The following ADAT1 variants were observed in gnomAD, a reference collection of about 807,000 sequenced individuals.
The protein encoded by ADAT1 is adenosine deaminase tRNA specific 1, also known as tRNA-specific adenosine deaminase 1.
Under a neutral mutation model 58.6 loss-of-function variants are expected in ADAT1, and 58 were observed. The observed-to-expected ratio is 0.99, with a 90% confidence interval of 0.80 to 1.23. The LOEUF (loss-of-function observed/expected upper bound fraction) is 1.23, where lower values mean the gene tolerates loss of function less well. Ranked by LOEUF, ADAT1 falls within the 50% of genes most tolerant of loss-of-function variation. The pLI, the probability that ADAT1 is intolerant of heterozygous loss-of-function variation, is 0.00. For missense variants in ADAT1, 741 were observed against 608.6 expected (o/e 1.22, Z -2.29); for synonymous variants, 254 against 220.8 (o/e 1.15, Z -1.33).
chr16:75,614,585 CACAAGGTCACAGTG>C (rs2081645796), intron 5 of ADAT1, among the ~76,000 whole-genome samples: 1 of 152,196 alleles, frequency 6.6e-6, no homozygotes. Flanking sequence ...CCAGAGACCT[CACAAGGTCACAGTG>C]ACTTTGGAGA....
intron 4 of ADAT1, among the ~76,000 whole-genome samples, chr16:75,617,545 G>A (rs2081773632): frequency 6.6e-6 from 1 of 151,962 alleles, no homozygotes; most frequent in Non-Finnish European, 1.5e-5. Context: ...GAGGCAGGAA[G>A]ACTGCTTAAG....
intron 6 of ADAT1, 133 bp downstream of exon 6, chr16:75,612,110 A>T: frequency 9.3e-7 from 1 of 1,076,974 alleles, no homozygotes; most frequent in Non-Finnish European, 1.3e-6. Context: ...TACTTTAATT[A>T]TTTCCTTAAG....
At chr16:75,621,049 T>C (rs2081918173) in intron 1 of ADAT1, among the ~76,000 whole-genome samples, 1 of 152,060 alleles carries the variant, frequency 6.6e-6, no homozygotes. Context: ...TGTTTCAAGT[T>C]TTTCTTAATG....
chr16:75,609,027 C>T (rs200874873), intron 6 of ADAT1, 39 bp from the exon 7 acceptor site: 1 of 1,611,894 alleles, frequency 6.2e-7, no homozygotes, highest in East Asian at 2.2e-5. Flanking sequence ...TAGGTGCATG[C>T]CTAGAGAAAA....
intron 5 of ADAT1, among the ~76,000 whole-genome samples, chr16:75,615,153 G>A (rs1325864642): frequency 1.3e-5 from 2 of 151,434 alleles, no homozygotes; most frequent in Non-Finnish European, 2.9e-5. Context: ...CCTGGACCCG[G>A]GAGGTGGAGA....
chr16:75,604,128 G>A (rs917591492), intron 8 of ADAT1, among the ~76,000 whole-genome samples: 2 of 151,870 alleles, frequency 1.3e-5, no homozygotes, highest in African/African-American at 2.4e-5. Flanking sequence ...AATTAAAGAA[G>A]AACAATGTAA....
chr16:75,617,308 G>A lies in ADAT1; in HGVS notation c.294-36C>T, dbSNP rs757416690. The A allele has an allele frequency of 1.7e-5, 27 of 1,597,954 alleles. No individual in the cohort carries two copies. In the Admixed American group the frequency reaches 3.2e-4, roughly 19 times the overall value. ...CAAGATGTTATTAGGATGAACAACC[G>A]ATCTCTGTGGTAAGGGGAAAGCCTC... On this transcript the variant is annotated intron_variant, in intron 4 of 9. Transcript: ENST00000564657.
rs1300337939 is a variant in ADAT1, at chr16:75,612,359, G to C, written c.927C>G (p.Leu309=). The C allele has an allele frequency of 6.8e-6, 11 of 1,614,194 alleles. No individual in the cohort carries two copies. The highest frequency in any genetic ancestry group is 9.3e-6 in the Non-Finnish European group (11 of 1,180,038). ...CSDKMARWNV[L]GCQGALLMHL... The stretch of plus-strand genomic sequence containing the variant: ...GCATCAACAGTGCCCCTTGGCATCC[G>C]AGGACGTTCCATCGGGCCATCTTGT... The change falls in exon 6 of 10, where the codon CTC becomes CTG. Residue 309 remains leucine, a synonymous_variant. Coordinates refer to ENST00000564657, the MANE Select transcript of ADAT1 (RefSeq NM_001324445.2).
chr16:75,602,834 C>T (rs1296850279), intron 9 of ADAT1, among the ~76,000 whole-genome samples: 1 of 152,160 alleles, frequency 6.6e-6, no homozygotes, highest in African/African-American at 2.4e-5. Flanking sequence ...CAAAGGAGGG[C>T]CTGGAATGGC....
intron 6 of ADAT1, among the ~76,000 whole-genome samples, chr16:75,609,274 T>G (rs1368925571): frequency 6.6e-6 from 1 of 152,206 alleles, no homozygotes; most frequent in Non-Finnish European, 1.5e-5. Context: ...CTTGAAAAGT[T>G]TAAGCAGAAA....
intron 9 of ADAT1, among the ~76,000 whole-genome samples, chr16:75,602,344 G>C (rs373708774): frequency 6.6e-5 from 10 of 152,330 alleles, no homozygotes; most frequent in African/African-American, 2.4e-4. Context: ...CTGCCTTTGC[G>C]ACCCTCCCAT....
At chr16:75,609,787 T>C (rs1454943742) in intron 6 of ADAT1, among the ~76,000 whole-genome samples, 1 of 152,174 alleles carries the variant, frequency 6.6e-6, no homozygotes, top group Non-Finnish European at 1.5e-5. Context: ...CACTGCAACT[T>C]CTGCCCCCTG....
At chr16:75,619,745 T>C in intron 3 of ADAT1, 1 of 396,552 alleles carries the variant, frequency 2.5e-6, no homozygotes, top group South Asian at 1.7e-5. Flanking sequence ...ACCCCGTCTC[T>C]AAAAAAATAC....
intron 9 of ADAT1, 98 bp from the exon 10 acceptor site, chr16:75,600,446 G>A: frequency 1.9e-6 from 3 of 1,540,872 alleles, no homozygotes; most frequent in Non-Finnish European, 2.6e-6. Context: ...GACTTGTAAT[G>A]AGACTTAGGT....
chr16:75,612,900 G>A (rs1487589927), intron 5 of ADAT1, 39 bp from the exon 6 acceptor site: 1 of 1,587,738 alleles, frequency 6.3e-7, no homozygotes, highest in Non-Finnish European at 8.6e-7. Context: ...TGGTTCTCAA[G>A]TGAGGTCCCT....
chr16:75,620,759 T>C lies in ADAT1; in HGVS notation c.41A>G (p.His14Arg). ...CTTCTTGGGCAGCCTGATCCCATAG[T>C]GTTCATAGCATAGCTGAGCAATCTC... Reference protein sequence around the residue: ...ADEIAQLCYEHYGIRLPKKGK... With the variant: ...ADEIAQLCYERYGIRLPKKGK... The change falls in exon 2 of 10, where the codon CAC (histidine) becomes CGC (arginine). Residue 14 changes from histidine (H) to arginine (R), a missense_variant. Transcript: ENST00000564657. 1 of 1,614,186 alleles carries C rather than the reference T, an allele frequency of 6.2e-7. No homozygotes were observed. Among genetic ancestry groups the C allele is most frequent in the Non-Finnish European group, 8.5e-7 (1 of 1,180,030 alleles).
chr16:75,614,835 T>C (rs1232067131), intron 5 of ADAT1, among the ~76,000 whole-genome samples: 1 of 152,170 alleles, frequency 6.6e-6, no homozygotes, highest in East Asian at 1.9e-4. Context: ...TGGGAGGACA[T>C]CACATTTTAA....
At chr16:75,606,185 G>GTTTT (rs2081367298) in intron 8 of ADAT1, among the ~76,000 whole-genome samples, 1 of 152,002 alleles carries the variant, frequency 6.6e-6, no homozygotes, top group African/African-American at 2.4e-5. Flanking sequence ...TAAGGTTAGT[G>GTTTT]TTTTTATCTA....
chr16:75,598,278 G>C lies in ADAT1; in HGVS notation c.*1938C>G. On this transcript the variant is annotated 3_prime_UTR_variant, in exon 10 of 10. Coordinates refer to ENST00000564657, the MANE Select transcript of ADAT1 (RefSeq NM_001324445.2). ...TTTTAGTAGAAAGGGGCTTCACCAT[G>C]TTGGCCAGGATGGTCTTGATCTCCT... The C allele has an allele frequency of 2.9e-6, 1 of 348,886 alleles. No homozygotes were observed. The highest frequency in any genetic ancestry group is 2.0e-5 in the South Asian group (1 of 48,936). 21.6% of individuals were successfully genotyped at this position (348,886 alleles called of 1,614,324 possible). A position where few individuals can be genotyped will look rare whatever the true frequency, so the allele number is the denominator to read the frequency against.
Sources: gnomAD v4.1 joint callset for allele counts (sites outside exome capture counted in the v4.1 genomes callset) on GRCh38, gnomAD v4.1.1 for gene constraint, MANE v1.5 for transcripts, NCBI Gene and HGNC (gene_info 2026-07-23, HGNC 2026-07-21) for gene names.